The following ZNF710 variants were observed in gnomAD, a reference collection of about 807,000 sequenced individuals.
The protein encoded by ZNF710 is zinc finger protein 710.
Under a neutral mutation model 50.6 loss-of-function variants are expected in ZNF710, and 13 were observed. The observed-to-expected ratio is 0.26, with a 90% confidence interval of 0.17 to 0.41. The LOEUF is 0.41. Ranked by LOEUF, ZNF710 falls within the 10% of genes least tolerant of loss-of-function variation. The pLI, the probability that ZNF710 is intolerant of heterozygous loss-of-function variation, is 1.00. For synonymous variants in ZNF710, 383 were observed against 397.0 expected, an observed-to-expected ratio of 0.96 and a Z score of 0.42; for missense variants, 721 against 936.6, an observed-to-expected ratio of 0.77 and a Z score of 3.01.
In ZNF710 at chr15:90,030,863, C is replaced by G. The variant is rs893594543; in HGVS notation, c.-29+29249C>G. ...AACCCCGTCTCTACTTAAAAAAATA[C>G]AAAAAATTAGCCGGGCATGGTGGCG... On this transcript the variant is annotated intron_variant, in intron 1 of 4. Transcript: ENST00000268154. Among the ~76,000 whole-genome samples, 18 of 151,468 alleles carry G rather than the reference C, an allele frequency of 1.2e-4. No individual in the cohort carries two copies. In the East Asian group the frequency reaches 2.7e-3, roughly 23 times the overall value.
chr15:90,048,192 G>T (rs1445815481), intron 1 of ZNF710, among the ~76,000 whole-genome samples: 1 of 152,242 alleles, frequency 6.6e-6, no homozygotes, highest in African/African-American at 2.4e-5. Context: ...GCAGAACCTG[G>T]CAGGGAGCAT....
chr15:90,028,780 G>A (rs921541822), intron 1 of ZNF710, among the ~76,000 whole-genome samples: 5 of 152,116 alleles, frequency 3.3e-5, no homozygotes, highest in South Asian at 2.1e-4. Context: ...GTGTGTGAAC[G>A]GTGTGACTAT....
rs373242111 is a variant in ZNF710 at position 90,081,221 on chromosome 15, GCT to G, written c.*1397_*1398del. 2.7e-3 allele frequency: 412 copies of G among 153,114 alleles called. 9 individuals are homozygous for G. In the Middle Eastern group the frequency reaches 0.04, roughly 15 times the overall value. The allele number at this position is 153,114 out of a possible 1,614,324, so 9.5% of individuals were successfully genotyped here. A position where few individuals can be genotyped will look rare whatever the true frequency, so the allele number is the denominator to read the frequency against. On this transcript the variant is annotated 3_prime_UTR_variant, in exon 5 of 5. Coordinates refer to ENST00000268154, the MANE Select transcript of ZNF710 (RefSeq NM_198526.4). ...CAACAGCTAGCTCCCTCGCTCGCCT[GCT>G]CTCTTCCCCTCTGTTCCCACGCCAG...
chr15:90,000,373 GGCGGCGAGGCTGTGCCAAACCCC>G, upstream of ZNF710, among the ~76,000 whole-genome samples: 1 of 152,266 alleles, frequency 6.6e-6, no homozygotes, highest in South Asian at 2.1e-4. Context: ...GGAGCTGGAG[GGCGGCGAGGCTGTGCCAAACCCC>G]GCGGCCCCTC....
chr15:90,054,565 G>A (rs554812064), intron 1 of ZNF710, among the ~76,000 whole-genome samples: 2 of 152,340 alleles, frequency 1.3e-5, no homozygotes, highest in African/African-American at 4.8e-5. Flanking sequence ...CTGTATAATG[G>A]AAATGGTACC....
At chr15:90,053,150 A>T (rs1899698228) in intron 1 of ZNF710, among the ~76,000 whole-genome samples, 1 of 152,174 alleles carries the variant, frequency 6.6e-6, no homozygotes, top group Non-Finnish European at 1.5e-5. Context: ...GCAATTTAGA[A>T]ACATAGAAGA....
chr15:90,058,510 T>C (rs1166800239), intron 1 of ZNF710, among the ~76,000 whole-genome samples: 1 of 152,074 alleles, frequency 6.6e-6, no homozygotes, highest in Non-Finnish European at 1.5e-5. Flanking sequence ...CGACTGTCAG[T>C]TTCCTTCTCT....
chr15:90,014,229 G>A (rs1386685998), intron 1 of ZNF710, among the ~76,000 whole-genome samples: 1 of 152,094 alleles, frequency 6.6e-6, no homozygotes, highest in African/African-American at 2.4e-5. Context: ...GCAGCTGTGT[G>A]GCTGTCAGTC....
chr15:90,042,402 G>T (rs1043861516), intron 1 of ZNF710, among the ~76,000 whole-genome samples: 1 of 150,298 alleles, frequency 6.7e-6, no homozygotes, highest in East Asian at 2.0e-4. Flanking sequence ...TCAGGGCTCC[G>T]GACTGGTCCT....
intron 1 of ZNF710, among the ~76,000 whole-genome samples, chr15:90,063,250 T>G (rs1900066367): frequency 1.3e-5 from 2 of 152,120 alleles, no homozygotes; most frequent in South Asian, 4.1e-4. Context: ...GGGACCCAGC[T>G]GTGGGGCCAC....
At position 90,005,978 on chromosome 15, in the gene ZNF710, A is replaced by G. The variant is rs1309323448; in HGVS notation, c.-29+4364A>G. On this transcript the variant is annotated intron_variant, in intron 1 of 4. Transcript: ENST00000268154. ...TAACTTCAAACTTTGCCTCTCAGGA[A>G]CGATGATGTGGTCATATGTCTCTGC... Among the ~76,000 whole-genome samples the G allele has an allele frequency of 8.5e-5, 13 of 152,268 alleles. No individual in the cohort carries two copies. The East Asian group carries it at 2.5e-3, about 29-fold the overall frequency.
intron 1 of ZNF710, among the ~76,000 whole-genome samples, chr15:90,037,287 C>G (rs1305661721): frequency 6.6e-6 from 1 of 152,236 alleles, no homozygotes; most frequent in Non-Finnish European, 1.5e-5. Flanking sequence ...AAGAAAGTCC[C>G]TGGTCCAGCC....
intron 1 of ZNF710, among the ~76,000 whole-genome samples, chr15:90,036,197 C>G (rs1467548687): frequency 6.6e-6 from 1 of 152,004 alleles, no homozygotes; most frequent in East Asian, 1.9e-4. Flanking sequence ...AGACTCCCCT[C>G]CCGTTCCTCC....
chr15:90,016,211 G>C (rs935077943), intron 1 of ZNF710, among the ~76,000 whole-genome samples: 1 of 152,066 alleles, frequency 6.6e-6, no homozygotes, highest in Non-Finnish European at 1.5e-5. Flanking sequence ...GCGGAGGTGG[G>C]GAAGAAGTCT....
chr15:90,014,572 C>A (rs944050184), intron 1 of ZNF710, among the ~76,000 whole-genome samples: 1 of 149,908 alleles, frequency 6.7e-6, no homozygotes, highest in Non-Finnish European at 1.5e-5. Flanking sequence ...AACTAGATGG[C>A]CATCTAAAAA....
At chr15:89,999,694 C>G (rs1047548356), upstream of ZNF710, among the ~76,000 whole-genome samples, 7 of 150,972 alleles carry the variant, frequency 4.6e-5, no homozygotes, top group South Asian at 2.1e-4. Flanking sequence ...CCTTGGGGCT[C>G]TCGTTTCTAA....
At chr15:90,079,315 A>C (rs1248757582) in intron 4 of ZNF710, among the ~76,000 whole-genome samples, 2 of 152,228 alleles carry the variant, frequency 1.3e-5, no homozygotes, top group Admixed American at 6.5e-5. Flanking sequence ...TGGCCAGAGA[A>C]ACATTGCAGA....
intron 1 of ZNF710, among the ~76,000 whole-genome samples, chr15:90,037,627 G>C (rs1355238280): frequency 6.6e-6 from 1 of 152,248 alleles, no homozygotes; most frequent in East Asian, 1.9e-4. Context: ...CTAGGATGGA[G>C]TGAGGGCTGA....
chr15:90,068,458 G>C lies in ZNF710; in HGVS notation c.1321G>C (p.Asp441His), dbSNP rs1900266383. Reference sequence around the variant, plus strand: ...CACCCTCTACCAGTGCCTCGAGTGTGACAAGTCCTTCCACTACCGCAGCCA... The same window carrying C: ...CACCCTCTACCAGTGCCTCGAGTGTCACAAGTCCTTCCACTACCGCAGCCA... Reference protein sequence around the residue: ...GPTLYQCLECDKSFHYRSQLQ... With the variant: ...GPTLYQCLECHKSFHYRSQLQ... The change falls in exon 2 of 5, where the codon GAC becomes CAC. Residue 441 changes from aspartate to histidine, a missense_variant. Physicochemically the swap from Asp to His is moderately conservative, Grantham distance 81. This residue lies in a region of ZNF710 where 326 missense variants were observed against 522.0 expected (regional missense o/e 0.62). Coordinates refer to ENST00000268154, the MANE Select transcript of ZNF710 (RefSeq NM_198526.4). The surrounding 1 kb of genome is among the most constrained non-coding windows in gnomAD (Gnocchi z 5.0). 2.5e-6 allele frequency: 4 copies of C among 1,614,122 alleles called. No homozygotes were observed. The highest frequency in any genetic ancestry group is 3.4e-6 in the Non-Finnish European group (4 of 1,180,048).
Sources: gnomAD v4.1 joint callset for allele counts (sites outside exome capture counted in the v4.1 genomes callset) on GRCh38, gnomAD v4.1.1 for gene constraint, gnomAD v4.1.1 regional missense constraint, Gnocchi (gnomAD v3.1) non-coding constraint, MANE v1.5 for transcripts, NCBI Gene and HGNC (gene_info 2026-07-23, HGNC 2026-07-21) for gene names.